FSTL1: variants seen among roughly 807,000 people sequenced by gnomAD.
FSTL1 encodes the protein follistatin-related protein 1.
FSTL1 carries 24 observed loss-of-function variants against 45.9 expected under a neutral mutation model. The ratio of observed to expected loss-of-function variants is 0.52; its 90% CI spans 0.38 to 0.74. The LOEUF (loss-of-function observed/expected upper bound fraction) is 0.74. Among genes scored for constraint, FSTL1 ranks in the 30% least tolerant of loss-of-function variants. The pLI is 0.00. For synonymous variants in FSTL1, 120 were observed against 137.6 expected (o/e 0.87, Z 0.89); for missense variants, 340 against 381.8 (o/e 0.89, Z 0.91).
intron 5 of FSTL1, 53 bp from the exon 6 acceptor site, chr3:120,409,715 A>G: frequency 1.9e-6 from 3 of 1,590,734 alleles, no homozygotes; most frequent in Middle Eastern, 1.9e-4. Flanking sequence ...GACCCCAGTG[A>G]TATCTGGCAC....
chr3:120,418,629 G>A (rs1449966956), intron 2 of FSTL1, among the ~76,000 whole-genome samples: 3 of 152,228 alleles, frequency 2.0e-5, no homozygotes, highest in Non-Finnish European at 4.4e-5. Flanking sequence ...TAATTAGCAA[G>A]TGTCGGGAGA....
intron 2 of FSTL1, among the ~76,000 whole-genome samples, chr3:120,428,762 A>ACAACAACAACAACAG (rs1211839924): frequency 6.6e-6 from 1 of 151,620 alleles, no homozygotes; most frequent in East Asian, 1.9e-4. Context: ...AACAACAACA[A>ACAACAACAACAACAG]CAACAACAAC....
At chr3:120,430,696 A>G (rs534023601) in intron 2 of FSTL1, among the ~76,000 whole-genome samples, 2 of 152,368 alleles carry the variant, frequency 1.3e-5, no homozygotes, top group East Asian at 1.9e-4. Flanking sequence ...GATGAAATCT[A>G]TAAGTAATAT....
chr3:120,423,313 T>A (rs890757254), intron 2 of FSTL1: 2 of 151,824 alleles, frequency 1.3e-5, no homozygotes, highest in African/African-American at 4.8e-5. Flanking sequence ...TGCTTAGAGC[T>A]TTCTTGAGGT....
chr3:120,414,729 C>T (rs993501180), intron 3 of FSTL1, among the ~76,000 whole-genome samples: 23 of 151,720 alleles, frequency 1.5e-4, no homozygotes, highest in African/African-American at 5.3e-4. Flanking sequence ...GCTGTGTCCA[C>T]TCAGGGTTAA....
At chr3:120,435,475 G>C (rs1209471529) in intron 2 of FSTL1, among the ~76,000 whole-genome samples, 1 of 152,022 alleles carries the variant, frequency 6.6e-6, no homozygotes, top group Non-Finnish European at 1.5e-5. Flanking sequence ...AACCATTTGG[G>C]GACAGTTCAT....
chr3:120,405,827 A>G (rs746248183), intron 6 of FSTL1, among the ~76,000 whole-genome samples: 2 of 152,220 alleles, frequency 1.3e-5, no homozygotes, highest in Non-Finnish European at 2.9e-5. Context: ...GGAGGGTGTC[A>G]AATCAAGACT....
At chr3:120,427,395 T>C (rs762204303) in intron 2 of FSTL1, among the ~76,000 whole-genome samples, 11 of 152,220 alleles carry the variant, frequency 7.2e-5, no homozygotes, top group Non-Finnish European at 1.6e-4. Flanking sequence ...TTGTCCATCC[T>C]TTTGTAGGAC....
chr3:120,436,244 C>T (rs900606730), intron 2 of FSTL1, among the ~76,000 whole-genome samples: 1 of 152,196 alleles, frequency 6.6e-6, no homozygotes, highest in South Asian at 2.1e-4. Context: ...ACAACATGGT[C>T]CACAAGTAGC....
At chr3:120,437,076 T>G (rs1489335646) in intron 2 of FSTL1, among the ~76,000 whole-genome samples, 1 of 152,250 alleles carries the variant, frequency 6.6e-6, no homozygotes, top group Non-Finnish European at 1.5e-5. Context: ...TGTATCAATT[T>G]CACACTACAG....
rs1461643066 is a variant in FSTL1, at chr3:120,395,042, G to A, written c.*1910C>T. On this transcript the variant is annotated 3_prime_UTR_variant, in exon 11 of 11. Transcript: ENST00000295633. ...GAGTTCTCCAAGGCACTTGGACAGG[G>A]AGCTGCATTTCAGACTGAACAAGTG... 1 of 152,940 alleles carries A rather than the reference G, an allele frequency of 6.5e-6. No homozygotes were observed. Among genetic ancestry groups the A allele is most frequent in the Non-Finnish European group, 1.5e-5 (1 of 68,682 alleles). 9.5% of individuals were successfully genotyped at this position (152,940 alleles called of 1,614,324 possible).
chr3:120,409,830 C>T, intron 5 of FSTL1, 168 bp from the exon 6 acceptor site: 1 of 470,726 alleles, frequency 2.1e-6, no homozygotes, highest in Non-Finnish European at 3.7e-6. Flanking sequence ...AAAAGTCTAG[C>T]CCAGGATTCA....
At chr3:120,435,551 G>C (rs943201661) in intron 2 of FSTL1, among the ~76,000 whole-genome samples, 4 of 152,182 alleles carry the variant, frequency 2.6e-5, no homozygotes, top group Non-Finnish European at 5.9e-5. Flanking sequence ...AGACTGTCAT[G>C]ACTTTCTGAA....
At chr3:120,443,456 A>T (rs1010782498) in intron 2 of FSTL1, among the ~76,000 whole-genome samples, 3 of 149,924 alleles carry the variant, frequency 2.0e-5, no homozygotes, top group Admixed American at 2.0e-4. Context: ...AGATCCATAA[A>T]TTACACTTAT....
rs1936785895 is a variant in FSTL1 at position 120,399,918 on chromosome 3, TCTC to T, written c.844_846del (p.Glu282del). 1 of 1,609,514 alleles carries T rather than the reference TCTC, an allele frequency of 6.2e-7. No individual in the cohort carries two copies. ...TGGAGCTCCTGGACATATCTGGTCA[TCTC>T]CTCCTCTGTCTGGGTCTGGGCCCCC... On this transcript the variant is annotated inframe_deletion, in exon 10 of 11. Transcript: ENST00000295633.
At chr3:120,399,720 CT>C (rs1936780084) in intron 10 of FSTL1, among the ~76,000 whole-genome samples, 162 bp downstream of exon 10, 1 of 152,182 alleles carries the variant, frequency 6.6e-6, no homozygotes, top group Non-Finnish European at 1.5e-5. Flanking sequence ...AGGGAACTGT[CT>C]GTATCACAGT....
intron 2 of FSTL1, chr3:120,424,025 T>C (rs1173300094): frequency 6.6e-6 from 1 of 152,238 alleles, no homozygotes; most frequent in Admixed American, 6.5e-5. Context: ...TCTTCTTCAG[T>C]AATGGCCAAG....
chr3:120,408,737 G>A (rs962886873), intron 6 of FSTL1, among the ~76,000 whole-genome samples: 2 of 152,196 alleles, frequency 1.3e-5, no homozygotes, highest in Non-Finnish European at 2.9e-5. Context: ...TGTGGTGTGT[G>A]TGTGCGTGTC....
Position 120,399,889 on chromosome 3 carries a change from CTTTTGG to C in FSTL1, c.870_875del (p.Gln291_Lys292del), listed in dbSNP as rs1458516484. 1 of 1,602,648 alleles carries C rather than the reference CTTTTGG, an allele frequency of 6.2e-7. No individual in the cohort carries two copies. The highest frequency in any genetic ancestry group is 1.3e-5 in the African/African-American group (1 of 74,798). ...CACGGAGGCTGCCACTCACCTGATG[CTTTTGG>C]AGCTCCTGGACATATCTGGTCATCT... On this transcript the variant is annotated inframe_deletion, in exon 10 of 11. Transcript: ENST00000295633.
Sources: allele counts gnomAD v4.1 joint callset (sites outside exome capture counted in the v4.1 genomes callset), GRCh38; gene constraint gnomAD v4.1.1; transcripts MANE v1.5; gene names NCBI Gene and HGNC (gene_info 2026-07-23, HGNC 2026-07-21).